Variants in TANC2 observed in about 807,000 individuals in gnomAD.
TANC2 encodes protein TANC2.
A neutral mutation model predicts 210.5 loss-of-function variants in TANC2; 26 were observed. That is an observed-to-expected ratio of 0.12 (90% confidence interval 0.09 to 0.17). The LOEUF (loss-of-function observed/expected upper bound fraction) is 0.17, where lower values mean the gene tolerates loss of function less well. Among genes scored for constraint, TANC2 ranks in the 10% least tolerant of loss-of-function variants. The probability of loss-of-function intolerance (pLI) is 1.00; values close to 1 mark genes in which losing one functional copy is unlikely to be tolerated. For missense variants in TANC2, 2,129 were observed against 2,608.9 expected, an observed-to-expected ratio of 0.82 and a Z score of 4.01; for synonymous variants, 931 against 967.1, an observed-to-expected ratio of 0.96 and a Z score of 0.69.
At chr17:63,343,398 G>A (rs1258916581) in intron 12 of TANC2, among the ~76,000 whole-genome samples, 1 of 152,190 alleles carries the variant, frequency 6.6e-6, no homozygotes, top group Non-Finnish European at 1.5e-5. Context: ...TGTATTAGAT[G>A]TATGCACCTA....
intron 4 of TANC2, among the ~76,000 whole-genome samples, chr17:63,115,472 A>G (rs142319937): frequency 6.0e-4 from 92 of 152,326 alleles, no homozygotes; most frequent in African/African-American, 2.1e-3. Context: ...TTACTTGTAC[A>G]TTATTATATT....
intron 4 of TANC2, among the ~76,000 whole-genome samples, chr17:63,123,328 C>T (rs981116232): frequency 2.4e-4 from 36 of 151,886 alleles, no homozygotes; most frequent in Non-Finnish European, 1.0e-4. Context: ...GAGGCTGAGG[C>T]GGGCGGATCA....
At position 63,052,167 on chromosome 17, in the gene TANC2, T is replaced by C. The variant is rs750381436; in HGVS notation, c.68-21776T>C. On this transcript the variant is annotated intron_variant, in intron 2 of 27. Transcript: ENST00000689528. ...ATGATAGATGAAGATTCCATTTGTTTAGTATGTGCTTACTTTGTGCCAGAT... is the reference window on the plus strand; with the variant it reads ...ATGATAGATGAAGATTCCATTTGTTCAGTATGTGCTTACTTTGTGCCAGAT... Among the ~76,000 whole-genome samples, 32 of 152,204 alleles carry C rather than the reference T, an allele frequency of 2.1e-4. 1 individual carries two copies. The highest frequency in any genetic ancestry group is 6.5e-4 in the Admixed American group (10 of 15,270).
At chr17:63,211,987 G>A (rs535877031) in intron 7 of TANC2, among the ~76,000 whole-genome samples, 1 of 152,170 alleles carries the variant, frequency 6.6e-6, no homozygotes, top group East Asian at 1.9e-4. Context: ...CCATTAACTC[G>A]TCATCTACGT....
chr17:63,209,779 A>G (rs1267401589), intron 7 of TANC2, among the ~76,000 whole-genome samples: 32 of 152,170 alleles, frequency 2.1e-4, no homozygotes. Context: ...ATGTTCCTGT[A>G]GATGTTTGTA....
chr17:63,364,513 A>G (rs748209697), intron 14 of TANC2, among the ~76,000 whole-genome samples: 6 of 152,230 alleles, frequency 3.9e-5, no homozygotes, highest in South Asian at 2.1e-4. Flanking sequence ...TCTGCTTGTG[A>G]TAAGTTGGAA....
At chr17:62,972,811 G>A (rs1436630640) in intron 1 of TANC2, among the ~76,000 whole-genome samples, 1 of 152,178 alleles carries the variant, frequency 6.6e-6, no homozygotes, top group Non-Finnish European at 1.5e-5. Context: ...CCTTCAGTAT[G>A]TAGTATTCTC....
chr17:63,025,647 T>A (rs1374528170), intron 2 of TANC2, among the ~76,000 whole-genome samples: 2 of 151,616 alleles, frequency 1.3e-5, no homozygotes, highest in Non-Finnish European at 1.5e-5. Context: ...AATAAAAAAA[T>A]TAGCTGAGTG....
intron 11 of TANC2, among the ~76,000 whole-genome samples, chr17:63,319,754 A>AT (rs1183959401): frequency 1.3e-5 from 2 of 152,140 alleles, no homozygotes; most frequent in Non-Finnish European, 2.9e-5. Context: ...TGTCCATAAT[A>AT]TTTTTTATAC....
rs550465423 is a variant in TANC2, at chr17:63,256,687, G to A, written c.1034-11061G>A. 5.9e-5 allele frequency among the ~76,000 whole-genome samples: 9 copies of A among 152,226 alleles called. No individual in the cohort carries two copies. In the South Asian group the frequency reaches 1.9e-3, roughly 32 times the overall value. On this transcript the variant is annotated intron_variant, in intron 8 of 27. Coordinates refer to ENST00000689528, the Ensembl canonical transcript of TANC2. ...ATGATCTGTCCAATGCTGACAGTGG[G>A]GTGTTGAGGTCTCCAGCTATTATTG...
chr17:63,258,069 T>C (rs552227263), intron 8 of TANC2, among the ~76,000 whole-genome samples: 65 of 152,350 alleles, frequency 4.3e-4, no homozygotes, highest in African/African-American at 1.5e-3. Flanking sequence ...TAGCTTTTGT[T>C]TGTCTGGGAG....
chr17:63,220,117 A>T (rs2042128755), intron 7 of TANC2, among the ~76,000 whole-genome samples: 2 of 152,010 alleles, frequency 1.3e-5, no homozygotes, highest in Admixed American at 1.3e-4. Flanking sequence ...CAACATGGTG[A>T]AACCTCTCCT....
chr17:63,314,792 T>G, intron 10 of TANC2, 123 bp downstream of exon 10: 1 of 1,221,756 alleles, frequency 8.2e-7, no homozygotes, highest in Non-Finnish European at 1.1e-6. Context: ...ACGTGAGGAC[T>G]ATTCATTTAG....
intron 14 of TANC2, among the ~76,000 whole-genome samples, chr17:63,378,480 A>G (rs1271501485): frequency 1.3e-5 from 2 of 152,276 alleles, no homozygotes; most frequent in East Asian, 3.9e-4. Flanking sequence ...GAATTAGGGC[A>G]GCTAATAGGG....
At chr17:63,329,950 C>G (rs1446384066) in intron 11 of TANC2, among the ~76,000 whole-genome samples, 5 of 152,168 alleles carry the variant, frequency 3.3e-5, no homozygotes, top group Non-Finnish European at 5.9e-5. Context: ...AGGCTGAAAG[C>G]TAGGCCTCTT....
chr17:63,325,390 C>G (rs960974280), intron 11 of TANC2, among the ~76,000 whole-genome samples: 1 of 152,210 alleles, frequency 6.6e-6, no homozygotes, highest in African/African-American at 2.4e-5. Context: ...TGGAAAACTA[C>G]CACACCTTGG....
intron 11 of TANC2, among the ~76,000 whole-genome samples, chr17:63,333,511 A>G (rs2045926674): frequency 6.6e-6 from 1 of 152,212 alleles, no homozygotes; most frequent in South Asian, 2.1e-4. Context: ...AAGAGCAAAG[A>G]AAATGGTTTC....
chr17:63,036,171 G>A (rs1039911019), intron 2 of TANC2, among the ~76,000 whole-genome samples: 1 of 151,588 alleles, frequency 6.6e-6, no homozygotes, highest in Non-Finnish European at 1.5e-5. Context: ...TTTTTTTAAT[G>A]GTTCATGTTT....
chr17:63,026,481 A>G (rs1216987102), intron 2 of TANC2, among the ~76,000 whole-genome samples: 1 of 152,186 alleles, frequency 6.6e-6, no homozygotes, highest in Non-Finnish European at 1.5e-5. Flanking sequence ...AAAGAGACAG[A>G]GGATACACAA....
Sources: gnomAD v4.1 joint callset for allele counts (sites outside exome capture counted in the v4.1 genomes callset) on GRCh38, gnomAD v4.1.1 for gene constraint, MANE v1.5 for transcripts, NCBI Gene and HGNC (gene_info 2026-07-23, HGNC 2026-07-21) for gene names.